Variants in NEMP2 observed in about 807,000 individuals in gnomAD.
NEMP2 encodes the protein nuclear envelope integral membrane protein 2.
In NEMP2, 53 loss-of-function variants were observed where a neutral mutation model predicts 54.2. The ratio of observed to expected loss-of-function variants is 0.98; its 90% CI spans 0.78 to 1.23. NEMP2 has a LOEUF of 1.23. NEMP2 is among the 50% of genes most tolerant of loss of function. The pLI is 0.00. For synonymous variants in NEMP2, 197 were observed against 190.3 expected (o/e 1.04, Z -0.29); for missense variants, 455 against 511.3 (o/e 0.89, Z 1.06).
the NEMP2 span, among the ~76,000 whole-genome samples, chr2:190,550,437 C>T: frequency 6.6e-6 from 1 of 152,134 alleles, no homozygotes; most frequent in Admixed American, 6.5e-5. This position sits in a 1 kb window ranked among gnomAD's most constrained non-coding sequence, Gnocchi z 4.7. Flanking sequence ...AATACTATCA[C>T]CTTGGGGGTT....
chr2:190,522,219 T>C lies in NEMP2; in HGVS notation c.214-3036A>G, dbSNP rs1690775621. Among the ~76,000 whole-genome samples the C allele has an allele frequency of 6.6e-6, 1 of 152,092 alleles. No individual in the cohort carries two copies. Among genetic ancestry groups the C allele is most frequent in the Non-Finnish European group, 1.5e-5 (1 of 68,026 alleles). ...ATGGAAACAACAGACAACTGGGGAC[T>C]TCAGAAGGTGGTTGGGAGAGGGGCA... is the stretch of plus-strand genomic sequence containing the variant. On this transcript the variant is annotated intron_variant, in intron 2 of 8. Transcript: ENST00000409150. This position sits in a 1 kb window ranked among gnomAD's most constrained non-coding sequence, Gnocchi z 5.0.
chr2:190,542,836 A>G, the NEMP2 span, among the ~76,000 whole-genome samples: 2 of 152,108 alleles, frequency 1.3e-5, no homozygotes, highest in Non-Finnish European at 2.9e-5. This position sits in a 1 kb window ranked among gnomAD's most constrained non-coding sequence, Gnocchi z 4.6. Context: ...GCTGTTTTGA[A>G]TTCTTGGTCA....
chr2:190,487,368 G>T, the NEMP2 span, among the ~76,000 whole-genome samples: 1 of 151,954 alleles, frequency 6.6e-6, no homozygotes, highest in Non-Finnish European at 1.5e-5. This position sits in a 1 kb window ranked among gnomAD's most constrained non-coding sequence, Gnocchi z 5.5. Context: ...CATAAAAATT[G>T]TTATATCCTT....
chr2:190,455,055 GA>G, the NEMP2 span, among the ~76,000 whole-genome samples: 3 of 151,470 alleles, frequency 2.0e-5, no homozygotes, highest in African/African-American at 7.3e-5. Flanking sequence ...TGCAAGCCTG[GA>G]AAGGAACAGA....
the NEMP2 span, among the ~76,000 whole-genome samples, chr2:190,575,978 C>CA: frequency 7.0e-6 from 1 of 143,874 alleles, no homozygotes. Context: ...TTCTGGTTTA[C>CA]TTTTTTTTTT....
At chr2:190,604,597 G>A in the NEMP2 span, among the ~76,000 whole-genome samples, 1 of 152,076 alleles carries the variant, frequency 6.6e-6, no homozygotes, top group Non-Finnish European at 1.5e-5. The surrounding 1 kb of genome is among the most constrained non-coding windows in gnomAD (Gnocchi z 4.5). Flanking sequence ...TGTGAGATTC[G>A]GAGAGGGTAG....
rs1690262194 is a variant in NEMP2, at chr2:190,508,939, C to A, written c.*250G>T. On this transcript the variant is annotated 3_prime_UTR_variant, in exon 9 of 9. Transcript: ENST00000409150. This position sits in a 1 kb window ranked among gnomAD's most constrained non-coding sequence, Gnocchi z 4.3. ...TTCCCCTGTTCCTAATGAAAGCCTT[C>A]ATTCAAGGTAAGTGGTAGTGGCTGT... 2.1e-6 allele frequency: 1 copy of A among 484,112 alleles called. No individual in the cohort carries two copies. The highest frequency in any genetic ancestry group is 3.7e-6 in the Non-Finnish European group (1 of 272,402). 30.0% of individuals were successfully genotyped at this position (484,112 alleles called of 1,614,324 possible).
the NEMP2 span, among the ~76,000 whole-genome samples, chr2:190,605,448 C>A: frequency 1.3e-5 from 2 of 152,036 alleles, no homozygotes; most frequent in Admixed American, 1.3e-4. Flanking sequence ...AATCTCAGGT[C>A]ACTGCAACCT....
downstream of NEMP2, chr2:190,501,590 C>T (rs779805669): frequency 2.0e-5 from 3 of 152,208 alleles, no homozygotes; most frequent in Non-Finnish European, 2.9e-5. Context: ...AAAGAACAGT[C>T]GAAATGAGCA....
chr2:190,496,539 A>G, the NEMP2 span, among the ~76,000 whole-genome samples: 1 of 152,230 alleles, frequency 6.6e-6, no homozygotes, highest in Non-Finnish European at 1.5e-5. This position sits in a 1 kb window ranked among gnomAD's most constrained non-coding sequence, Gnocchi z 4.7. Context: ...ATGCATGTTT[A>G]TAGCATCACA....
the NEMP2 span, chr2:190,610,878 TA>T: frequency 1.4e-4 from 21 of 152,332 alleles, no homozygotes; most frequent in African/African-American, 4.8e-4. The surrounding 1 kb of genome is among the most constrained non-coding windows in gnomAD (Gnocchi z 5.4). Flanking sequence ...AGTCTCCTAT[TA>T]GTTCAGTTCA....
At chr2:190,463,269 T>C in the NEMP2 span, among the ~76,000 whole-genome samples, 1 of 152,148 alleles carries the variant, frequency 6.6e-6, no homozygotes, top group Admixed American at 6.5e-5. This position sits in a 1 kb window ranked among gnomAD's most constrained non-coding sequence, Gnocchi z 4.4. Flanking sequence ...TTCTAAAGAG[T>C]TTGGATATAT....
the NEMP2 span, among the ~76,000 whole-genome samples, chr2:190,571,281 G>A: frequency 6.6e-6 from 1 of 152,114 alleles, no homozygotes; most frequent in Non-Finnish European, 1.5e-5. Flanking sequence ...GGTGGCTCAC[G>A]CCTGTAATCC....
the NEMP2 span, among the ~76,000 whole-genome samples, chr2:190,616,630 T>C: frequency 6.6e-6 from 1 of 152,214 alleles, no homozygotes; most frequent in Non-Finnish European, 1.5e-5. This position sits in a 1 kb window ranked among gnomAD's most constrained non-coding sequence, Gnocchi z 5.1. Context: ...TATCCTCTTT[T>C]GAATAGAAGG....
downstream of NEMP2, among the ~76,000 whole-genome samples, chr2:190,504,080 G>C (rs941902846): frequency 6.6e-6 from 1 of 152,150 alleles, no homozygotes; most frequent in Admixed American, 6.5e-5. The surrounding 1 kb of genome is among the most constrained non-coding windows in gnomAD (Gnocchi z 5.6). Context: ...ACAATGTTGG[G>C]GTTAGGAGTG....
At chr2:190,609,043 A>C in the NEMP2 span, 3 of 152,288 alleles carry the variant, frequency 2.0e-5, no homozygotes, top group East Asian at 5.8e-4. The surrounding 1 kb of genome is among the most constrained non-coding windows in gnomAD (Gnocchi z 4.7). Flanking sequence ...TTCCTGAACC[A>C]ATATGGGGGT....
intron 6 of NEMP2, among the ~76,000 whole-genome samples, chr2:190,515,128 AAGC>A (rs1189652965): frequency 2.6e-5 from 4 of 152,210 alleles, no homozygotes; most frequent in African/African-American, 4.8e-5. Flanking sequence ...GTGAGACTAT[AAGC>A]TATTCTGTGT....
chr2:190,606,265 C>T, the NEMP2 span, among the ~76,000 whole-genome samples: 2 of 152,172 alleles, frequency 1.3e-5, no homozygotes, highest in Non-Finnish European at 2.9e-5. Flanking sequence ...TTCCCCAAAT[C>T]AGGAAGGCTC....
chr2:190,645,251 T>G, the NEMP2 span, among the ~76,000 whole-genome samples: 3 of 152,090 alleles, frequency 2.0e-5, no homozygotes, highest in African/African-American at 7.2e-5. Context: ...ACATGAATAA[T>G]AAATAAAAAA....
Sources: allele counts gnomAD v4.1 joint callset (sites outside exome capture counted in the v4.1 genomes callset), GRCh38; gene constraint gnomAD v4.1.1; non-coding constraint Gnocchi (gnomAD v3.1); transcripts MANE v1.5; gene names NCBI Gene and HGNC (gene_info 2026-07-23, HGNC 2026-07-21).